Variants in SANBR observed in about 807,000 individuals in gnomAD.
SANBR encodes SANT and BTB domain regulator of class switch recombination.
A neutral mutation model predicts 101.8 loss-of-function variants in SANBR; 77 were observed. The observed-to-expected ratio is 0.76, with a 90% CI of 0.63 to 0.91. The LOEUF (loss-of-function observed/expected upper bound fraction) is 0.91, where lower values mean the gene tolerates loss of function less well. SANBR is among the 40% of genes least tolerant of loss of function. The probability of loss-of-function intolerance (pLI) is 0.00; values close to 1 mark genes in which losing one functional copy is unlikely to be tolerated. For synonymous variants in SANBR, 279 were observed against 274.7 expected, an observed-to-expected ratio of 1.02 and a Z score of -0.15; for missense variants, 875 against 853.0, an observed-to-expected ratio of 1.03 and a Z score of -0.32.
At chr2:61,108,153 A>G (rs1236726926) in intron 14 of SANBR, among the ~76,000 whole-genome samples, 164 bp from the exon 15 acceptor site, 1 of 152,214 alleles carries the variant, frequency 6.6e-6, no homozygotes, top group Non-Finnish European at 1.5e-5. Flanking sequence ...AGGATATTAA[A>G]GACTGTAACA....
intron 16 of SANBR, among the ~76,000 whole-genome samples, chr2:61,112,902 G>T (rs59969950): frequency 0.061 from 9,232 of 152,098 alleles, 975 homozygotes; most frequent in African/African-American, 0.21. Flanking sequence ...AGAAGTATTT[G>T]CCTACCTCAA....
chr2:61,118,233 T>G lies in SANBR; in HGVS notation c.2028+117T>G, dbSNP rs554226339. 5 of 658,190 alleles carry G rather than the reference T, an allele frequency of 7.6e-6. No homozygotes were observed. In the East Asian group the frequency reaches 1.2e-4, roughly 16 times the overall value. The allele number at this position is 658,190 out of a possible 1,614,324, so 40.8% of individuals were successfully genotyped here. The stretch of plus-strand genomic sequence containing the variant: ...AATTTTAAAAGAGTAATTTATGTGT[T>G]TGTTTGTTTGTTTGTTTTTTTCTTT... On this transcript the variant is annotated intron_variant, in intron 20 of 21. Coordinates refer to ENST00000402291, the MANE Select transcript of SANBR (RefSeq NM_001129993.3).
At chr2:61,080,044 A>G (rs1324659431) in intron 6 of SANBR, among the ~76,000 whole-genome samples, 1 of 151,108 alleles carries the variant, frequency 6.6e-6, no homozygotes, top group Non-Finnish European at 1.5e-5. Context: ...TAAAAGTACA[A>G]AAATAAGCCA....
rs1220839622 is a variant in SANBR at position 61,070,356 on chromosome 2, T to G, written c.6T>G (p.Ser2Arg). The change falls in exon 3 of 22, where the codon AGT becomes AGG. Residue 2 changes from serine (S) to arginine (R), a missense_variant. Physicochemically the swap from Ser to Arg is moderately radical, Grantham distance 110. Transcript: ENST00000402291. MSRGYSENNNFL... is the reference protein window; with the variant it reads MRRGYSENNNFL... Reference sequence around the variant, plus strand: ...CCTATCCCTAGTTCCAAAAGATGAGTCGTGGATATTCAGAAAACAACAATT... The same window carrying G: ...CCTATCCCTAGTTCCAAAAGATGAGGCGTGGATATTCAGAAAACAACAATT... The G allele has an allele frequency of 6.3e-7, 1 of 1,577,988 alleles. No individual in the cohort carries two copies. Among genetic ancestry groups the G allele is most frequent in the Non-Finnish European group, 8.6e-7 (1 of 1,167,084 alleles).
intron 5 of SANBR, among the ~76,000 whole-genome samples, chr2:61,075,879 C>T (rs1313502892): frequency 6.6e-6 from 1 of 151,962 alleles, no homozygotes; most frequent in Non-Finnish European, 1.5e-5. Flanking sequence ...ATGATAATCT[C>T]TCTCCCACAC....
At chr2:61,096,116 T>A (rs1392431356) in intron 11 of SANBR, among the ~76,000 whole-genome samples, 2 of 152,082 alleles carry the variant, frequency 1.3e-5, no homozygotes, top group Non-Finnish European at 2.9e-5. Flanking sequence ...GCCCTCCCAA[T>A]GGCTCCCGCA....
At chr2:61,119,614 T>C (rs530292430) in intron 20 of SANBR, among the ~76,000 whole-genome samples, 3 of 152,244 alleles carry the variant, frequency 2.0e-5, no homozygotes, top group Admixed American at 1.3e-4. Flanking sequence ...GCATATATCA[T>C]TAGATGTGCT....
chr2:61,086,370 ATAAAT>A (rs1467145914), intron 8 of SANBR, among the ~76,000 whole-genome samples: 1 of 151,796 alleles, frequency 6.6e-6, no homozygotes, highest in Non-Finnish European at 1.5e-5. Context: ...AATTAAATAA[ATAAAT>A]TTATTTAATA....
intron 12 of SANBR, among the ~76,000 whole-genome samples, chr2:61,099,033 G>T (rs991506616): frequency 6.6e-6 from 1 of 152,232 alleles, no homozygotes; most frequent in African/African-American, 2.4e-5. Context: ...AGTACGTGAG[G>T]TGAAGAGGAA....
chr2:61,086,988 A>G (rs1346648056), intron 8 of SANBR, among the ~76,000 whole-genome samples: 1 of 152,244 alleles, frequency 6.6e-6, no homozygotes, highest in African/African-American at 2.4e-5. Context: ...ATATACATTT[A>G]GAATTAAAGA....
chr2:61,120,762 A>G (rs537645857), intron 20 of SANBR, among the ~76,000 whole-genome samples: 13 of 152,216 alleles, frequency 8.5e-5, no homozygotes, highest in Non-Finnish European at 1.9e-4. Context: ...ATGCATCAAT[A>G]TGGATGAATC....
intron 12 of SANBR, among the ~76,000 whole-genome samples, chr2:61,100,491 A>AG (rs1259355454): frequency 6.6e-6 from 1 of 152,164 alleles, no homozygotes; most frequent in Non-Finnish European, 1.5e-5. Context: ...TAAGGTGAGA[A>AG]GGCACGGTAG....
intron 3 of SANBR, 149 bp downstream of exon 3, chr2:61,070,649 G>C (rs1428429505): frequency 4.8e-6 from 2 of 419,828 alleles, no homozygotes; most frequent in African/African-American, 2.2e-5. Flanking sequence ...AATTTGACTA[G>C]ATGCAAATTA....
At chr2:61,096,972 G>A (rs557181534) in intron 11 of SANBR, among the ~76,000 whole-genome samples, 1 of 152,136 alleles carries the variant, frequency 6.6e-6, no homozygotes, top group Non-Finnish European at 1.5e-5. Context: ...TGACCAACAT[G>A]GCAAAACCCT....
At chr2:61,066,789 A>G (rs1340680834) in intron 1 of SANBR, among the ~76,000 whole-genome samples, 3 of 152,194 alleles carry the variant, frequency 2.0e-5, no homozygotes, top group Non-Finnish European at 2.9e-5. Context: ...GAAGTGACTT[A>G]GACTAGTCTT....
chr2:61,104,835 G>A (rs914511470), intron 13 of SANBR, among the ~76,000 whole-genome samples: 3 of 151,378 alleles, frequency 2.0e-5, no homozygotes, highest in Admixed American at 6.6e-5. Context: ...TTGGGAGGCC[G>A]AGGCAGGCGG....
chr2:61,094,499 C>T (rs1202726226), intron 11 of SANBR, among the ~76,000 whole-genome samples: 1 of 152,066 alleles, frequency 6.6e-6, no homozygotes, highest in African/African-American at 2.4e-5. Context: ...ATGACTATAT[C>T]ACAGTATGTT....
chr2:61,088,409 T>C lies in SANBR; in HGVS notation c.1029T>C (p.Pro343=). The C allele has an allele frequency of 6.2e-7, 1 of 1,608,596 alleles. No homozygotes were observed. The highest frequency in any genetic ancestry group is 1.7e-5 in the Admixed American group (1 of 59,260). The stretch of plus-strand genomic sequence containing the variant: ...CAAAAGAAACAGAAAGAAGAATTCC[T>C]TGCATTCCTGGAAAAATCAATGTGG... ...LLTKETERRI[P]CIPGKINVDR... is the part of the protein sequence containing the mutation. The change falls in exon 10 of 22, where the codon CCT becomes CCC. Residue 343 remains proline (P), a synonymous_variant. Transcript: ENST00000402291.
At chr2:61,077,371 A>G (rs780449909) in intron 6 of SANBR, among the ~76,000 whole-genome samples, 18 of 152,206 alleles carry the variant, frequency 1.2e-4, no homozygotes, top group African/African-American at 3.9e-4. Flanking sequence ...GCAGTTCCCA[A>G]TGTATGGTGT....
Sources: gnomAD v4.1 joint callset for allele counts (sites outside exome capture counted in the v4.1 genomes callset) on GRCh38, gnomAD v4.1.1 for gene constraint, MANE v1.5 for transcripts, NCBI Gene and HGNC (gene_info 2026-07-23, HGNC 2026-07-21) for gene names.